The following GATA6 variants were observed in gnomAD, a reference collection of about 807,000 sequenced individuals.
GATA6 encodes GATA binding protein 6.
In GATA6, 11 loss-of-function variants were observed where a neutral mutation model predicts 48.1. The ratio of observed to expected loss-of-function variants is 0.23; its 90% CI spans 0.14 to 0.38. GATA6 has a LOEUF of 0.38. Ranked by LOEUF, GATA6 falls within the 10% of genes least tolerant of loss-of-function variation. The probability of loss-of-function intolerance (pLI) is 1.00; values close to 1 mark genes in which losing one functional copy is unlikely to be tolerated. For synonymous variants in GATA6, 419 were observed against 396.1 expected (o/e 1.06, Z -0.69); for missense variants, 795 against 850.3 (o/e 0.93, Z 0.81).
chr18:22,177,152 C>G (rs1045039718), intron 3 of GATA6, 31 bp downstream of exon 3: 4 of 1,529,574 alleles, frequency 2.6e-6, no homozygotes, highest in Non-Finnish European at 1.8e-6. Flanking sequence ...CCCTGGCTCG[C>G]GGCCGGCCCC....
At chr18:22,196,741 C>CAAAA (rs755208441) in intron 6 of GATA6, among the ~76,000 whole-genome samples, 10 of 148,524 alleles carry the variant, frequency 6.7e-5, no homozygotes, top group African/African-American at 2.6e-4. Flanking sequence ...GACCCTGTCT[C>CAAAA]AAAAATAAAA....
chr18:22,179,730 C>T (rs2033169981), intron 3 of GATA6, among the ~76,000 whole-genome samples: 1 of 152,136 alleles, frequency 6.6e-6, no homozygotes, highest in Non-Finnish European at 1.5e-5. Context: ...AATATGTTGT[C>T]ATCATTTTAG....
chr18:22,200,712 G>A lies in GATA6; in HGVS notation c.1677G>A (p.Glu559=). 6.2e-7 allele frequency: 1 copy of A among 1,614,254 alleles called. No individual in the cohort carries two copies. The highest frequency in any genetic ancestry group is 8.5e-7 in the Non-Finnish European group (1 of 1,180,046). The change falls in exon 7 of 7, where the codon GAG becomes GAA. Residue 559 remains glutamate, a synonymous_variant. Transcript: ENST00000269216. ...AGESTNPENS[E]LKYSGQDGLY... ...AGAGCACCAATCCCGAGAACAGCGA[G>A]CTCAAGTATTCGGGTCAAGATGGGC...
intron 6 of GATA6, among the ~76,000 whole-genome samples, chr18:22,193,786 G>A (rs17730399): frequency 0.014 from 2,205 of 152,228 alleles, 28 homozygotes; most frequent in Non-Finnish European, 0.021. Flanking sequence ...AGCATGCCCC[G>A]TACACTCCTC....
rs1369432283 is a variant in GATA6, at chr18:22,171,243, C to A, written c.99C>A (p.Ser33=). The change falls in exon 2 of 7, where the codon TCC becomes TCA. Residue 33 remains serine, a synonymous_variant. Coordinates refer to ENST00000269216, the MANE Select transcript of GATA6 (RefSeq NM_005257.6). The surrounding 1 kb of genome is among the most constrained non-coding windows in gnomAD (Gnocchi z 7.1). ...DSRAFPAREP[S]TPPSPISSSS... is the part of the protein sequence containing the mutation. Reference sequence around the variant, plus strand: ...GAGCCTTTCCAGCGCGGGAGCCCTCCACGCCGCCTTCCCCCATCTCTTCCT... The same window carrying A: ...GAGCCTTTCCAGCGCGGGAGCCCTCAACGCCGCCTTCCCCCATCTCTTCCT... The A allele has an allele frequency of 6.3e-7, 1 of 1,598,932 alleles. No homozygotes were observed. Among genetic ancestry groups the A allele is most frequent in the Non-Finnish European group, 8.5e-7 (1 of 1,179,122 alleles).
In GATA6 at chr18:22,170,892, A is replaced by C; in HGVS notation, c.-37-216A>C. ...GGAGGGCTGGTATCCCAGCCCTTCCAGGGCCCTGTGGCGGCTGCGCAGGCT... is the reference window on the plus strand; with the variant it reads ...GGAGGGCTGGTATCCCAGCCCTTCCCGGGCCCTGTGGCGGCTGCGCAGGCT... On this transcript the variant is annotated intron_variant, in intron 1 of 6. Transcript: ENST00000269216. The surrounding 1 kb of genome is among the most constrained non-coding windows in gnomAD (Gnocchi z 6.7). The C allele has an allele frequency of 5.4e-6, 3 of 556,328 alleles. No individual in the cohort carries two copies. The highest frequency in any genetic ancestry group is 3.2e-6 in the Non-Finnish European group (1 of 311,642). 34.5% of individuals were successfully genotyped at this position (556,328 alleles called of 1,614,324 possible). A position where few individuals can be genotyped will look rare whatever the true frequency, so the allele number is the denominator to read the frequency against.
intron 3 of GATA6, among the ~76,000 whole-genome samples, chr18:22,178,305 A>G (rs2033152630): frequency 1.3e-5 from 2 of 152,106 alleles, no homozygotes; most frequent in Non-Finnish European, 2.9e-5. Context: ...TCAGGGATTA[A>G]TCTCGTATTG....
intron 6 of GATA6, among the ~76,000 whole-genome samples, chr18:22,191,504 G>T (rs1568005286): frequency 6.6e-6 from 1 of 152,108 alleles, no homozygotes; most frequent in African/African-American, 2.4e-5. Flanking sequence ...CGAAGAAAAC[G>T]AATTCCTTTA....
At position 22,185,189 on chromosome 18, in the gene GATA6, T is replaced by C. The variant is rs143926777; in HGVS notation, c.1620+2146T>C. Among the ~76,000 whole-genome samples, 1,051 of 152,288 alleles carry C rather than the reference T, an allele frequency of 6.9e-3. 15 individuals carry two copies. The highest frequency in any genetic ancestry group is 0.024 in the African/African-American group (1,000 of 41,562). ...TAGAAGAAGGGCCTTGGGAGTTCCA[T>C]CTCTGGTCCTAGGCTTATTGTCCCA... is the stretch of plus-strand genomic sequence containing the variant. On this transcript the variant is annotated intron_variant, in intron 6 of 6. Transcript: ENST00000269216. This position sits in a 1 kb window ranked among gnomAD's most constrained non-coding sequence, Gnocchi z 4.3.
At chr18:22,175,481 A>C (rs1290103491) in intron 2 of GATA6, 1 of 152,212 alleles carries the variant, frequency 6.6e-6, no homozygotes, top group Admixed American at 6.5e-5. Context: ...GTTTAACTTC[A>C]GTGTCCTTGA....
chr18:22,197,187 G>A (rs2033401339), intron 6 of GATA6, among the ~76,000 whole-genome samples: 1 of 151,664 alleles, frequency 6.6e-6, no homozygotes, highest in African/African-American at 2.4e-5. Flanking sequence ...GAGTAGCTGG[G>A]ATTACAAGCA....
At chr18:22,194,708 C>T (rs112577523) in intron 6 of GATA6, among the ~76,000 whole-genome samples, 1,898 of 149,730 alleles carry the variant, frequency 0.013, 48 homozygotes, top group African/African-American at 0.045. Context: ...TTCCCCCCTC[C>T]GCCCCCCCCT....
At chr18:22,191,147 G>T (rs143760297) in intron 6 of GATA6, among the ~76,000 whole-genome samples, 1 of 150,208 alleles carries the variant, frequency 6.7e-6, no homozygotes, top group African/African-American at 2.4e-5. Flanking sequence ...TTGTACATTA[G>T]GAAACAGTAA....
chr18:22,191,546 T>C (rs2033328532), intron 6 of GATA6, among the ~76,000 whole-genome samples: 1 of 152,226 alleles, frequency 6.6e-6, no homozygotes, highest in Non-Finnish European at 1.5e-5. Context: ...ATGCATTTCA[T>C]GGGTGTCTGC....
At chr18:22,194,532 GT>G (rs2033366368) in intron 6 of GATA6, among the ~76,000 whole-genome samples, 1 of 152,186 alleles carries the variant, frequency 6.6e-6, no homozygotes, top group Non-Finnish European at 1.5e-5. Context: ...GTTGGTCTAG[GT>G]TAGTGAAGTG....
intron 2 of GATA6, among the ~76,000 whole-genome samples, chr18:22,176,088 T>A (rs1455850621): frequency 6.6e-6 from 1 of 152,200 alleles, no homozygotes; most frequent in Non-Finnish European, 1.5e-5. Flanking sequence ...TTCTGAAAAC[T>A]AACCAAAGAA....
chr18:22,194,491 C>T (rs1173350485), intron 6 of GATA6, among the ~76,000 whole-genome samples: 1 of 152,150 alleles, frequency 6.6e-6, no homozygotes, highest in Non-Finnish European at 1.5e-5. Context: ...CCGGAGCTCT[C>T]CCTCCCTTTT....
In GATA6 at chr18:22,171,074, T is replaced by TCCTACCATACCCGTCTCCCC; in HGVS notation, c.-37-32_-37-13dup. On this transcript the variant is annotated intron_variant, in intron 1 of 6. Coordinates refer to ENST00000269216, the MANE Select transcript of GATA6 (RefSeq NM_005257.6). This position sits in a 1 kb window ranked among gnomAD's most constrained non-coding sequence, Gnocchi z 7.1. ...CTACGCTCTTGTTAACCCGTCGATC[T>TCCTACCATACCCGTCTCCCC]CCTACCATACCCGTCTCCCCCACCC... 7.3e-7 allele frequency: 1 copy of TCCTACCATACCCGTCTCCCC among 1,375,604 alleles called. No homozygotes were observed. The highest frequency in any genetic ancestry group is 1.0e-6 in the Non-Finnish European group (1 of 985,408). The allele number at this position is 1,375,604 out of a possible 1,614,324, so 85.2% of individuals were successfully genotyped here. A position where few individuals can be genotyped will look rare whatever the true frequency, so the allele number is the denominator to read the frequency against.
In GATA6 at chr18:22,186,394, G is replaced by C. The variant is rs1474820038; in HGVS notation, c.1620+3351G>C. On this transcript the variant is annotated intron_variant, in intron 6 of 6. Transcript: ENST00000269216. The stretch of plus-strand genomic sequence containing the variant: ...AGCAAGGAAGTAAAAAACTGTTCCA[G>C]AGGCCCACATGAAACATGCTGTTTA... Among the ~76,000 whole-genome samples the C allele has an allele frequency of 3.3e-5, 5 of 152,202 alleles. 1 individual carries two copies. The South Asian group carries it at 8.3e-4, about 25-fold the overall frequency.
Sources: allele counts gnomAD v4.1 joint callset (sites outside exome capture counted in the v4.1 genomes callset), GRCh38; gene constraint gnomAD v4.1.1; non-coding constraint Gnocchi (gnomAD v3.1); transcripts MANE v1.5; gene names NCBI Gene and HGNC (gene_info 2026-07-23, HGNC 2026-07-21).